Variants in CREB5 observed in about 807,000 individuals in gnomAD.
CREB5 encodes cyclic AMP-responsive element-binding protein 5.
CREB5 carries 19 observed loss-of-function variants against 57.1 expected under a neutral mutation model. The observed-to-expected ratio is 0.33, with a 90% CI of 0.23 to 0.49. The LOEUF (loss-of-function observed/expected upper bound fraction) is 0.49. Ranked by LOEUF, CREB5 falls within the 20% of genes least tolerant of loss-of-function variation. The probability of loss-of-function intolerance (pLI) is 0.99; values close to 1 mark genes in which losing one functional copy is unlikely to be tolerated. For synonymous variants in CREB5, 238 were observed against 238.3 expected (o/e 1.00, Z 0.01); for missense variants, 579 against 671.6 (o/e 0.86, Z 1.52).
At chr7:28,808,013 A>G (rs1321240858) in intron 8 of CREB5, among the ~76,000 whole-genome samples, 1 of 152,242 alleles carries the variant, frequency 6.6e-6, no homozygotes, top group Non-Finnish European at 1.5e-5. Context: ...CTCTATAAGC[A>G]TAGTAAAACT....
intron 7 of CREB5, among the ~76,000 whole-genome samples, chr7:28,782,821 A>G (rs1330513580): frequency 1.3e-5 from 2 of 152,218 alleles, no homozygotes; most frequent in African/African-American, 4.8e-5. Flanking sequence ...GGGAAGAGAG[A>G]CAGCACAGGC....
At chr7:28,618,600 C>T (rs1183318076) in intron 5 of CREB5, among the ~76,000 whole-genome samples, 2 of 152,128 alleles carry the variant, frequency 1.3e-5, no homozygotes, top group Non-Finnish European at 1.5e-5. Context: ...CAGTAGGGCT[C>T]TCTGATTCCA....
chr7:28,560,841 T>TGTGCGTGCGTGCGCGCGCGTGC (rs1443960015), intron 4 of CREB5, among the ~76,000 whole-genome samples: 2 of 75,062 alleles, frequency 2.7e-5, no homozygotes, highest in African/African-American at 4.9e-5. Context: ...CGCGTGTGTG[T>TGTGCGTGCGTGCGCGCGCGTGC]GTGCGCGTGT....
intron 7 of CREB5, among the ~76,000 whole-genome samples, chr7:28,787,889 C>T (rs1468575324): frequency 5.3e-5 from 8 of 152,102 alleles, no homozygotes. Flanking sequence ...ATCATCATTG[C>T]CATTCTTGAA....
At chr7:28,407,314 G>C (rs778136853) in intron 1 of CREB5, among the ~76,000 whole-genome samples, 1 of 152,170 alleles carries the variant, frequency 6.6e-6, no homozygotes, top group Admixed American at 6.5e-5. Context: ...GCCTCCCAAA[G>C]TGCTGGGATT....
rs187815351 is a variant in CREB5 at position 28,824,637 on chromosome 7, G to A, written c.*5358G>A. The A allele has an allele frequency of 2.0e-5, 3 of 152,714 alleles. No individual in the cohort carries two copies. Among genetic ancestry groups the A allele is most frequent in the Admixed American group, 6.5e-5 (1 of 15,292 alleles). The allele number at this position is 152,714 out of a possible 1,614,324, so 9.5% of individuals were successfully genotyped here. On this transcript the variant is annotated 3_prime_UTR_variant, in exon 11 of 11. Coordinates refer to ENST00000357727, the MANE Select transcript of CREB5 (RefSeq NM_182898.4). The stretch of plus-strand genomic sequence containing the variant: ...CAAAAAACCTAGCTCATCATGTTGT[G>A]AAAATGAAAAAGTGAATGTCCATTC...
At chr7:28,582,474 T>G (rs1796156165) in intron 5 of CREB5, among the ~76,000 whole-genome samples, 1 of 152,188 alleles carries the variant, frequency 6.6e-6, no homozygotes, top group Admixed American at 6.5e-5. Flanking sequence ...ATCAACTTCT[T>G]TTTAGTCTTA....
chr7:28,595,816 A>G (rs551844328), intron 5 of CREB5, among the ~76,000 whole-genome samples: 140 of 152,286 alleles, frequency 9.2e-4, no homozygotes, highest in Non-Finnish European at 1.8e-3. Context: ...AGCAAAGTGG[A>G]TAGGAACTGA....
At chr7:28,662,317 T>A (rs983158696) in intron 5 of CREB5, among the ~76,000 whole-genome samples, 3 of 152,192 alleles carry the variant, frequency 2.0e-5, no homozygotes, top group African/African-American at 7.2e-5. Flanking sequence ...GGCAGAGACC[T>A]TCAAGTACCT....
intron 4 of CREB5, among the ~76,000 whole-genome samples, chr7:28,533,876 T>C (rs937559202): frequency 2.7e-5 from 4 of 148,480 alleles, no homozygotes; most frequent in African/African-American, 9.7e-5. Context: ...TAGGCTGGCT[T>C]AACATCTTTT....
At chr7:28,511,433 C>A (rs1792696922) in intron 4 of CREB5, among the ~76,000 whole-genome samples, 1 of 152,108 alleles carries the variant, frequency 6.6e-6, no homozygotes, top group Non-Finnish European at 1.5e-5. Context: ...TCCTGGGAGG[C>A]CTTGTAAAGG....
intron 1 of CREB5, among the ~76,000 whole-genome samples, chr7:28,417,135 G>T (rs1008098482): frequency 6.6e-6 from 1 of 152,020 alleles, no homozygotes; most frequent in Admixed American, 6.6e-5. Flanking sequence ...TGAGAATGTC[G>T]GGCTCACCCA....
chr7:28,694,981 T>C (rs1013081958), intron 5 of CREB5, among the ~76,000 whole-genome samples: 15 of 152,128 alleles, frequency 9.9e-5, no homozygotes, highest in African/African-American at 3.1e-4. Context: ...AGCATGCAAT[T>C]CGGGAGGCCA....
At chr7:28,445,838 A>T (rs1206264734) in intron 1 of CREB5, among the ~76,000 whole-genome samples, 1 of 152,172 alleles carries the variant, frequency 6.6e-6, no homozygotes, top group Non-Finnish European at 1.5e-5. Flanking sequence ...GGCGTGAGCC[A>T]CTGCGCCCGG....
At chr7:28,461,195 A>G (rs177586) in intron 1 of CREB5, among the ~76,000 whole-genome samples, 39,980 of 150,942 alleles carry the variant, frequency 0.26, 6,732 homozygotes, top group African/African-American at 0.48. Flanking sequence ...GCGCCACTGC[A>G]TTCCAGCCTG....
At chr7:28,387,039 C>T (rs1428472300) in intron 1 of CREB5, among the ~76,000 whole-genome samples, 2 of 152,100 alleles carry the variant, frequency 1.3e-5, no homozygotes, top group Non-Finnish European at 2.9e-5. Context: ...AGTGAATATA[C>T]ACATGCATGT....
At chr7:28,577,628 A>G (rs931266471) in intron 5 of CREB5, among the ~76,000 whole-genome samples, 1 of 152,220 alleles carries the variant, frequency 6.6e-6, no homozygotes, top group African/African-American at 2.4e-5. Context: ...GGCCAGAGCC[A>G]GAACTCGAAT....
intron 1 of CREB5, among the ~76,000 whole-genome samples, chr7:28,438,983 T>C (rs1188546614): frequency 7.2e-5 from 11 of 152,220 alleles, no homozygotes; most frequent in African/African-American, 2.4e-4. Flanking sequence ...CACTTCACTA[T>C]GTCCCATGAT....
chr7:28,538,998 A>G (rs1270316690), intron 4 of CREB5, among the ~76,000 whole-genome samples: 2 of 152,244 alleles, frequency 1.3e-5, no homozygotes, highest in Non-Finnish European at 2.9e-5. Flanking sequence ...TGAGACATAC[A>G]TTATGGCTTG....
Sources: gnomAD v4.1 joint callset for allele counts (sites outside exome capture counted in the v4.1 genomes callset) on GRCh38, gnomAD v4.1.1 for gene constraint, MANE v1.5 for transcripts, NCBI Gene and HGNC (gene_info 2026-07-23, HGNC 2026-07-21) for gene names.